CTH: variants seen among roughly 807,000 people sequenced by gnomAD.
The protein encoded by CTH is cystathionine gamma-lyase.
Under a neutral mutation model 50.6 loss-of-function variants are expected in CTH, and 41 were observed. That is an observed-to-expected ratio of 0.81 (90% CI 0.63 to 1.05). The LOEUF is 1.05. Ranked by LOEUF, CTH falls within the 50% of genes least tolerant of loss-of-function variation. CTH has a pLI of 0.00. For synonymous variants in CTH, 156 were observed against 168.9 expected (o/e 0.92, Z 0.59); for missense variants, 470 against 492.6 (o/e 0.95, Z 0.43).
chr1:70,424,375 A>G lies in CTH; in HGVS notation c.547A>G (p.Ile183Val). ...TATTGTCCATAAGCATGGAGACATT[A>G]TTTTGGTCGTGGATAACACTTTTAT... ...AHIVHKHGDIILVVDNTFMSP... is the reference protein window; with the variant it reads ...AHIVHKHGDIVLVVDNTFMSP... Residue 183 changes from isoleucine (I) to valine (V), a missense_variant, in exon 5 of 12, where the codon ATT (isoleucine) becomes GTT (valine). Physicochemically the swap from Ile to Val is conservative, Grantham distance 29. Coordinates refer to ENST00000370938, the MANE Select transcript of CTH (RefSeq NM_001902.6). 1 of 1,614,120 alleles carries G rather than the reference A, an allele frequency of 6.2e-7. No individual in the cohort carries two copies.
chr1:70,428,798 A>G (rs1242503023), intron 5 of CTH, among the ~76,000 whole-genome samples: 1 of 151,900 alleles, frequency 6.6e-6, no homozygotes, highest in Non-Finnish European at 1.5e-5. Context: ...TTTTTAGTAG[A>G]GATAGGGTTT....
At chr1:70,421,827 C>T (rs368572193) in intron 4 of CTH, 152 bp downstream of exon 4, 24 of 779,048 alleles carry the variant, frequency 3.1e-5, no homozygotes, top group African/African-American at 5.2e-5. Flanking sequence ...CTGTCATCTC[C>T]GGGGTGTTAT....
At chr1:70,435,436 A>G (rs1684577469) in intron 10 of CTH, among the ~76,000 whole-genome samples, 1 of 152,062 alleles carries the variant, frequency 6.6e-6, no homozygotes, top group Admixed American at 6.6e-5. Context: ...CAGTAACTGT[A>G]TTCTAGGATC....
chr1:70,415,477 C>T (rs1333993410), intron 1 of CTH, among the ~76,000 whole-genome samples: 1 of 152,044 alleles, frequency 6.6e-6, no homozygotes, highest in African/African-American at 2.4e-5. Context: ...TAGGTTTATT[C>T]TGTTGGCTCA....
intron 1 of CTH, among the ~76,000 whole-genome samples, chr1:70,414,834 T>C (rs77980007): frequency 0.013 from 1,929 of 151,940 alleles, 45 homozygotes; most frequent in African/African-American, 0.045. Flanking sequence ...TTTTTTTTTT[T>C]CCCGAGACAG....
rs766581925 is a variant in CTH, at chr1:70,411,535, C to A, written c.120C>A (p.Pro40=). The change falls in exon 1 of 12, where the codon CCC becomes CCA. Residue 40 remains proline (P), a synonymous_variant. Transcript: ENST00000370938. Reference sequence around the variant, plus strand: ...GGACCTCCAGGGCTGTAGTGCCCCCCATCTCACTGTCCACCACGTTCAAGC... The same window carrying A: ...GGACCTCCAGGGCTGTAGTGCCCCCAATCTCACTGTCCACCACGTTCAAGC... The part of the protein sequence containing the change: ...EQWTSRAVVP[P]ISLSTTFKQG... The A allele has an allele frequency of 2.5e-6, 4 of 1,614,058 alleles. No homozygotes were observed. The highest frequency in any genetic ancestry group is 1.7e-5 in the Admixed American group (1 of 60,002).
chr1:70,414,072 G>C (rs887570440), intron 1 of CTH, among the ~76,000 whole-genome samples: 1 of 151,890 alleles, frequency 6.6e-6, no homozygotes, highest in East Asian at 1.9e-4. Flanking sequence ...GGAATTTGAA[G>C]AGCTGAATGA....
At chr1:70,412,233 C>T (rs1226910728) in intron 1 of CTH, among the ~76,000 whole-genome samples, 1 of 152,218 alleles carries the variant, frequency 6.6e-6, no homozygotes, top group Admixed American at 6.5e-5. Flanking sequence ...AGGCACTCAG[C>T]TACACTATGC....
At chr1:70,415,728 G>A (rs544736120) in intron 1 of CTH, among the ~76,000 whole-genome samples, 1 of 152,290 alleles carries the variant, frequency 6.6e-6, no homozygotes, top group Admixed American at 6.5e-5. Context: ...AACTTACCTA[G>A]TGTCATGCAG....
intron 1 of CTH, among the ~76,000 whole-genome samples, chr1:70,412,344 G>A (rs139786760): frequency 2.0e-5 from 3 of 152,218 alleles, no homozygotes; most frequent in Admixed American, 6.5e-5. Context: ...AGTGGCTTAC[G>A]CCTGTAATCC....
Position 70,429,822 on chromosome 1 carries a change from C to A in CTH, c.617C>A (p.Ser206Tyr). Residue 206 changes from serine (S) to tyrosine (Y), a missense_variant, in exon 6 of 12, where the codon TCT becomes TAT. Transcript: ENST00000370938. ...CCTTTGGCTCTGGGAGCTGATATTT[C>A]TATGTATTCTGCAACAAAATACATG... ...QRPLALGADI[S>Y]MYSATKYMNG... The A allele has an allele frequency of 6.2e-7, 1 of 1,613,194 alleles. No individual in the cohort carries two copies. The highest frequency in any genetic ancestry group is 1.7e-5 in the Admixed American group (1 of 60,010).
chr1:70,411,716 T>G, intron 1 of CTH, 133 bp downstream of exon 1: 1 of 1,438,732 alleles, frequency 7.0e-7, no homozygotes, highest in Non-Finnish European at 9.1e-7. Context: ...GTTTCTACAC[T>G]GTAATTCTTG....
At chr1:70,430,079 T>C (rs544372973) in intron 6 of CTH, among the ~76,000 whole-genome samples, 20 of 152,320 alleles carry the variant, frequency 1.3e-4, no homozygotes, top group Admixed American at 1.3e-3. Flanking sequence ...AGTTATGCTT[T>C]TATCTTGCTG....
chr1:70,424,860 C>T (rs1002598445), intron 5 of CTH, among the ~76,000 whole-genome samples: 5 of 151,822 alleles, frequency 3.3e-5, no homozygotes, highest in East Asian at 3.9e-4. Context: ...ACCCGGGAGG[C>T]GGAGCTTGCA....
chr1:70,416,986 C>A (rs369955849), intron 2 of CTH, among the ~76,000 whole-genome samples: 41 of 152,254 alleles, frequency 2.7e-4, no homozygotes, highest in East Asian at 1.4e-3. Context: ...AGCCACCACA[C>A]TTGGCCTAAA....
Position 70,418,011 on chromosome 1 carries a change from T to A in CTH, c.325T>A (p.Cys109Ser). Residue 109 changes from cysteine (C) to serine (S), a missense_variant, in exon 3 of 12, where the codon TGT becomes AGT. Physicochemically the swap from Cys to Ser is moderately radical, Grantham distance 112. Coordinates refer to ENST00000370938, the MANE Select transcript of CTH (RefSeq NM_001902.6). ...TTTAAAAGCAGGAGACCAAATTATTTGTATGGATGATGTGTATGGAGGTAG... is the reference window on the plus strand; with the variant it reads ...TTTAAAAGCAGGAGACCAAATTATTAGTATGGATGATGTGTATGGAGGTAG... Reference protein sequence around the residue: ...HLLKAGDQIICMDDVYGGTNR... With the variant: ...HLLKAGDQIISMDDVYGGTNR... 3.7e-6 allele frequency: 6 copies of A among 1,614,152 alleles called. No individual in the cohort carries two copies. Among genetic ancestry groups the A allele is most frequent in the Non-Finnish European group, 5.1e-6 (6 of 1,179,992 alleles).
At chr1:70,433,782 A>C in intron 8 of CTH, 46 bp from the exon 9 acceptor site, 1 of 1,605,684 alleles carries the variant, frequency 6.2e-7, no homozygotes, top group Non-Finnish European at 8.5e-7. Context: ...CCCAAAAATT[A>C]CATGTTTAAT....
chr1:70,436,340 AAAC>A (rs1349598805), intron 10 of CTH, among the ~76,000 whole-genome samples: 2 of 152,096 alleles, frequency 1.3e-5, no homozygotes, highest in Non-Finnish European at 2.9e-5. Context: ...AAAAGAACCA[AAAC>A]AACAACAAAA....
chr1:70,418,456 G>T (rs1684143335), intron 3 of CTH, among the ~76,000 whole-genome samples: 1 of 152,082 alleles, frequency 6.6e-6, no homozygotes, highest in Non-Finnish European at 1.5e-5. Context: ...CGTTGTGTTG[G>T]TCAGGCTGGT....
Sources: gnomAD v4.1 joint callset for allele counts (sites outside exome capture counted in the v4.1 genomes callset) on GRCh38, gnomAD v4.1.1 for gene constraint, MANE v1.5 for transcripts, NCBI Gene and HGNC (gene_info 2026-07-23, HGNC 2026-07-21) for gene names.